The following BTD variants were observed in gnomAD, a reference collection of about 807,000 sequenced individuals.
BTD encodes the protein biocytinase.
BTD carries 13 observed loss-of-function variants against 17.7 expected under a neutral mutation model. The observed-to-expected ratio is 0.74, with a 90% CI of 0.48 to 1.17. The LOEUF is 1.17. Ranked by LOEUF, BTD falls within the 50% of genes most tolerant of loss-of-function variation. The probability of loss-of-function intolerance (pLI) is 0.00; values close to 1 mark genes in which losing one functional copy is unlikely to be tolerated. For missense variants in BTD, 674 were observed against 650.4 expected (o/e 1.04, Z -0.39); for synonymous variants, 240 against 245.2 (o/e 0.98, Z 0.20).
rs766126289 is a variant in BTD, at chr3:15,645,209, C to T, written c.1293C>T (p.Gly431=). 6.2e-6 allele frequency: 10 copies of T among 1,614,190 alleles called. 1 individual carries two copies. The highest frequency in any genetic ancestry group is 7.6e-6 in the Non-Finnish European group (9 of 1,180,028). The change falls in exon 4 of 4, where the codon GGC becomes GGT. Residue 431 remains glycine, a synonymous_variant. Coordinates refer to ENST00000643237, the MANE Select transcript of BTD (RefSeq NM_001370658.1). Reference sequence around the variant, plus strand: ...TTGATGGGCTTCACACAGTACATGGCACTTACTACATCCAAGTGTGTGCCC... The same window carrying T: ...TTGATGGGCTTCACACAGTACATGGTACTTACTACATCCAAGTGTGTGCCC... ...GVFDGLHTVH[G]TYYIQVCALV...
chr3:15,638,055 T>C (rs2065398547), intron 2 of BTD, among the ~76,000 whole-genome samples: 1 of 152,230 alleles, frequency 6.6e-6, no homozygotes, highest in Non-Finnish European at 1.5e-5. Flanking sequence ...TATTTTTCCT[T>C]ACACGATGAC....
chr3:15,658,199 A>G (rs759508442), downstream of BTD, among the ~76,000 whole-genome samples: 4 of 151,724 alleles, frequency 2.6e-5, no homozygotes, highest in African/African-American at 9.7e-5. Context: ...AAGAAAAAGG[A>G]AATGGAGGGA....
chr3:15,710,722 C>T (rs2072153825), exon 4 of BTD, among the ~76,000 whole-genome samples: 1 of 152,114 alleles, frequency 6.6e-6, no homozygotes, highest in African/African-American at 2.4e-5. Context: ...AACCAACTGC[C>T]TAATTTTTCC....
intron 3 of BTD, among the ~76,000 whole-genome samples, chr3:15,682,938 T>C (rs1289797580): frequency 6.6e-6 from 1 of 152,222 alleles, no homozygotes; most frequent in African/African-American, 2.4e-5. Context: ...TTATGATCTT[T>C]AAATGGCAAC....
rs2065814656 is a variant in BTD, at chr3:15,652,142, T to C, written c.*6654T>C. ...AGGAGTTCAAGACCAGTCTGGCCAA[T>C]ATGGTGAAACCCTGTCTCTATTGAA... On this transcript the variant is annotated 3_prime_UTR_variant, in exon 4 of 4. Coordinates refer to ENST00000643237, the MANE Select transcript of BTD (RefSeq NM_001370658.1). 6.6e-6 allele frequency among the ~76,000 whole-genome samples: 1 copy of C among 152,162 alleles called. No homozygotes were observed. Among genetic ancestry groups the C allele is most frequent in the South Asian group, 2.1e-4 (1 of 4,834 alleles).
At chr3:15,719,792 T>A (rs542271768) in intron 4 of BTD, among the ~76,000 whole-genome samples, 15 of 152,228 alleles carry the variant, frequency 9.9e-5, no homozygotes, top group Admixed American at 3.3e-4. Context: ...TGGCCTCAAG[T>A]GATCTTCTCG....
intron 1 of BTD, among the ~76,000 whole-genome samples, chr3:15,634,158 G>A (rs1027397145): frequency 6.6e-6 from 1 of 152,202 alleles, no homozygotes; most frequent in African/African-American, 2.4e-5. Context: ...AAGAGCTATG[G>A]TTTGTTTCTG....
intron 3 of BTD, among the ~76,000 whole-genome samples, chr3:15,706,071 T>TTG (rs1019438535): frequency 6.6e-6 from 1 of 151,906 alleles, no homozygotes; most frequent in Non-Finnish European, 1.5e-5. Context: ...AATTTTTTTT[T>TTG]TGTGTGTGTG....
chr3:15,685,256 A>G, intron 3 of BTD: 3 of 1,614,020 alleles, frequency 1.9e-6, no homozygotes, highest in Middle Eastern at 3.3e-4. Context: ...AGTGCCGTAT[A>G]TCCATGATTG....
chr3:15,619,491 T>G (rs2064888100), intron 1 of BTD, among the ~76,000 whole-genome samples: 1 of 152,220 alleles, frequency 6.6e-6, no homozygotes, highest in African/African-American at 2.4e-5. Context: ...GAACCAACCT[T>G]TCATACCTGA....
At chr3:15,602,282 T>G in intron 1 of BTD, 1 of 1,196,996 alleles carries the variant, frequency 8.4e-7, no homozygotes, top group Non-Finnish European at 1.0e-6. Flanking sequence ...AGCCATTGGG[T>G]CACAAGCGAT....
chr3:15,617,447 G>A (rs1192319763), intron 1 of BTD, among the ~76,000 whole-genome samples: 1 of 151,088 alleles, frequency 6.6e-6, no homozygotes, highest in Non-Finnish European at 1.5e-5. Context: ...GTTACTTCTT[G>A]TGAAGGGTAT....
In BTD at chr3:15,650,550, C is replaced by G. The variant is rs2065786138; in HGVS notation, c.*5062C>G. Among the ~76,000 whole-genome samples the G allele has an allele frequency of 6.6e-6, 1 of 152,290 alleles. No homozygotes were observed. Among genetic ancestry groups the G allele is most frequent in the African/African-American group, 2.4e-5 (1 of 41,564 alleles). ...GTGTCTCTGGACACAGTATCACACT[C>G]TACTCTGCACTCTTCTTTATCATTT... On this transcript the variant is annotated 3_prime_UTR_variant, in exon 4 of 4. Coordinates refer to ENST00000643237, the MANE Select transcript of BTD (RefSeq NM_001370658.1).
At chr3:15,624,627 G>GTTT (rs76866577) in intron 1 of BTD, among the ~76,000 whole-genome samples, 1 of 142,320 alleles carries the variant, frequency 7.0e-6, no homozygotes. Context: ...GTTGGCTGTT[G>GTTT]TTTTTTTTTT....
At chr3:15,717,853 T>G (rs2470517) in intron 4 of BTD, among the ~76,000 whole-genome samples, 1 of 152,002 alleles carries the variant, frequency 6.6e-6, no homozygotes, top group Admixed American at 6.6e-5. Context: ...AATGAATTTA[T>G]AACCTTAGAA....
intron 1 of BTD, among the ~76,000 whole-genome samples, chr3:15,634,062 G>C (rs1361650463): frequency 6.6e-6 from 1 of 152,198 alleles, no homozygotes; most frequent in South Asian, 2.1e-4. Flanking sequence ...AGATGGAACC[G>C]GGTTGGGGTG....
chr3:15,711,288 T>C (rs2072236486), exon 4 of BTD: 2 of 1,593,000 alleles, frequency 1.3e-6, no homozygotes, highest in African/African-American at 1.3e-5. Flanking sequence ...CAAGAATGAA[T>C]ACATCTTATT....
At chr3:15,698,612 C>G (rs1003017799) in intron 3 of BTD, among the ~76,000 whole-genome samples, 1 of 151,990 alleles carries the variant, frequency 6.6e-6, no homozygotes, top group East Asian at 1.9e-4. Flanking sequence ...AAACAGAGAG[C>G]CAAATCATGA....
intron 3 of BTD, among the ~76,000 whole-genome samples, chr3:15,661,573 AT>A (rs1187488232): frequency 6.6e-6 from 1 of 152,000 alleles, no homozygotes; most frequent in African/African-American, 2.4e-5. Flanking sequence ...GTCTTTTGCA[AT>A]TTTTTTCCTC....
Sources: allele counts gnomAD v4.1 joint callset (sites outside exome capture counted in the v4.1 genomes callset), GRCh38; gene constraint gnomAD v4.1.1; transcripts MANE v1.5; gene names NCBI Gene and HGNC (gene_info 2026-07-23, HGNC 2026-07-21).